The following CNTN5 variants were observed in gnomAD, a reference collection of about 807,000 sequenced individuals.
CNTN5 encodes the protein contactin 5.
CNTN5 carries 77 observed loss-of-function variants against 129.1 expected under a neutral mutation model. The observed-to-expected ratio is 0.60, with a 90% CI of 0.50 to 0.72. The LOEUF (loss-of-function observed/expected upper bound fraction) is 0.72, where lower values mean the gene tolerates loss of function less well. Among genes scored for constraint, CNTN5 ranks in the 30% least tolerant of loss-of-function variants. The probability of loss-of-function intolerance (pLI) is 0.00; values close to 1 mark genes in which losing one functional copy is unlikely to be tolerated. For missense variants in CNTN5, 1,478 were observed against 1,328.8 expected (o/e 1.11, Z -1.75); for synonymous variants, 509 against 465.6 (o/e 1.09, Z -1.20).
At chr11:99,977,179 G>C (rs1184489323) in intron 8 of CNTN5, among the ~76,000 whole-genome samples, 2 of 152,134 alleles carry the variant, frequency 1.3e-5, no homozygotes, top group Non-Finnish European at 2.9e-5. Flanking sequence ...CTTTGCACCA[G>C]TTCTCAATAA....
At chr11:99,252,183 C>G (rs547084992) in intron 1 of CNTN5, among the ~76,000 whole-genome samples, 3 of 152,032 alleles carry the variant, frequency 2.0e-5, no homozygotes, top group African/African-American at 7.2e-5. Flanking sequence ...TGTTTAGGGG[C>G]CATTCATGAA....
intron 1 of CNTN5, among the ~76,000 whole-genome samples, chr11:99,076,672 T>C (rs187466538): frequency 6.1e-4 from 93 of 152,276 alleles, no homozygotes; most frequent in Non-Finnish European, 1.0e-3. Context: ...AAATTGGACA[T>C]TTATGTCTAC....
At chr11:99,135,284 T>A (rs930165344) in intron 1 of CNTN5, among the ~76,000 whole-genome samples, 4 of 152,142 alleles carry the variant, frequency 2.6e-5, no homozygotes, top group African/African-American at 9.7e-5. Flanking sequence ...TTGTAATACA[T>A]CCTCTGCAGT....
intron 6 of CNTN5, among the ~76,000 whole-genome samples, chr11:99,879,937 T>C (rs1948728986): frequency 6.6e-6 from 1 of 152,326 alleles, no homozygotes; most frequent in African/African-American, 2.4e-5. Flanking sequence ...TTTATTAAAA[T>C]ACTTTTCCTC....
At chr11:99,062,222 G>T (rs1864914077) in intron 1 of CNTN5, among the ~76,000 whole-genome samples, 1 of 152,084 alleles carries the variant, frequency 6.6e-6, no homozygotes, top group African/African-American at 2.4e-5. Flanking sequence ...TAAATCTAAA[G>T]AATTCAAGAC....
chr11:99,322,941 G>A (rs1865629807), intron 1 of CNTN5, among the ~76,000 whole-genome samples: 1 of 152,270 alleles, frequency 6.6e-6, no homozygotes, highest in South Asian at 2.1e-4. Flanking sequence ...TATGGTGTGT[G>A]AAGCAAGGTT....
At chr11:99,848,900 T>G (rs1378428732) in intron 6 of CNTN5, among the ~76,000 whole-genome samples, 1 of 152,182 alleles carries the variant, frequency 6.6e-6, no homozygotes, top group African/African-American at 2.4e-5. Flanking sequence ...GAGATCTGTT[T>G]AACAGACCAG....
At chr11:99,369,907 C>CT (rs1366737009) in intron 2 of CNTN5, among the ~76,000 whole-genome samples, 1 of 151,986 alleles carries the variant, frequency 6.6e-6, no homozygotes, top group African/African-American at 2.4e-5. Context: ...CACCAGTGAG[C>CT]TATGCAATGA....
intron 17 of CNTN5, among the ~76,000 whole-genome samples, chr11:100,262,193 A>G (rs1486562859): frequency 6.6e-6 from 1 of 152,248 alleles, no homozygotes; most frequent in Non-Finnish European, 1.5e-5. Context: ...ATGTATGAAA[A>G]AAAGCTCATC....
At chr11:99,990,489 T>C (rs1415198704) in intron 8 of CNTN5, among the ~76,000 whole-genome samples, 29 of 116,104 alleles carry the variant, frequency 2.5e-4, no homozygotes, top group Admixed American at 1.9e-3. Context: ...CACACATACA[T>C]ACTAGTGATG....
chr11:99,945,484 C>CTGTGTG (rs1308074890), intron 7 of CNTN5, among the ~76,000 whole-genome samples: 2 of 69,714 alleles, frequency 2.9e-5, no homozygotes, highest in East Asian at 4.4e-4. Context: ...AATAAAACCT[C>CTGTGTG]TGTGCGTGTG....
intron 2 of CNTN5, among the ~76,000 whole-genome samples, chr11:99,391,311 G>T (rs1428902913): frequency 6.6e-6 from 1 of 152,036 alleles, no homozygotes; most frequent in African/African-American, 2.4e-5. Context: ...GAACTATATT[G>T]TAAATCCATT....
At chr11:99,069,555 A>C (rs1424461089) in intron 1 of CNTN5, among the ~76,000 whole-genome samples, 1 of 152,150 alleles carries the variant, frequency 6.6e-6, no homozygotes, top group Non-Finnish European at 1.5e-5. Flanking sequence ...ATTAGTTTAT[A>C]GGTCAGTCCT....
intron 2 of CNTN5, among the ~76,000 whole-genome samples, chr11:99,485,167 A>G (rs1403264884): frequency 1.3e-5 from 2 of 152,026 alleles, no homozygotes; most frequent in Non-Finnish European, 2.9e-5. Flanking sequence ...ATCGCCATTG[A>G]CCCCATAAAT....
Position 99,665,818 on chromosome 11 carries a change from A to G in CNTN5, c.55+109549A>G, listed in dbSNP as rs74764838. ...ACGATGTATCTTGTAACAAAACACA[A>G]TATAAAACAAAATGCTAGTGGATTT... On this transcript the variant is annotated intron_variant, in intron 3 of 24. Coordinates refer to ENST00000524871, the MANE Select transcript of CNTN5 (RefSeq NM_014361.4). 7.5e-3 allele frequency among the ~76,000 whole-genome samples: 1,148 copies of G among 152,188 alleles called. 94 individuals are homozygous for G. In the East Asian group the frequency reaches 0.18, roughly 25 times the overall value.
intron 2 of CNTN5, among the ~76,000 whole-genome samples, chr11:99,443,290 G>A (rs1943916585): frequency 6.6e-6 from 1 of 152,152 alleles, no homozygotes; most frequent in Non-Finnish European, 1.5e-5. Flanking sequence ...TCCAAGAATG[G>A]TTAGCTCCTG....
At chr11:99,038,498 G>A (rs906034709) in intron 1 of CNTN5, among the ~76,000 whole-genome samples, 1 of 151,940 alleles carries the variant, frequency 6.6e-6, no homozygotes, top group African/African-American at 2.4e-5. Flanking sequence ...GTCATCAGTG[G>A]TGTATAACAA....
chr11:99,577,960 T>C (rs1445657534), intron 3 of CNTN5, among the ~76,000 whole-genome samples: 2 of 149,842 alleles, frequency 1.3e-5, no homozygotes, highest in Non-Finnish European at 1.5e-5. Context: ...GTATATCTCC[T>C]AATGCTATCC....
At chr11:99,237,249 T>G (rs947622828) in intron 1 of CNTN5, among the ~76,000 whole-genome samples, 2 of 152,288 alleles carry the variant, frequency 1.3e-5, no homozygotes, top group Middle Eastern at 3.4e-3. Context: ...CTTCATTTTG[T>G]GTAATAATCT....
Sources: gnomAD v4.1 joint callset for allele counts (sites outside exome capture counted in the v4.1 genomes callset) on GRCh38, gnomAD v4.1.1 for gene constraint, MANE v1.5 for transcripts, NCBI Gene and HGNC (gene_info 2026-07-23, HGNC 2026-07-21) for gene names.